The following CDH13 variants were observed in gnomAD, a reference collection of about 807,000 sequenced individuals.
The protein encoded by CDH13 is cadherin 13.
In CDH13, 24 loss-of-function variants were observed where a neutral mutation model predicts 63.8. That is an observed-to-expected ratio of 0.38 (90% CI 0.27 to 0.53). CDH13 has a LOEUF of 0.53. CDH13 is among the 20% of genes least tolerant of loss of function. The probability of loss-of-function intolerance (pLI) is 0.85; values close to 1 mark genes in which losing one functional copy is unlikely to be tolerated. For synonymous variants in CDH13, 503 were observed against 355.3 expected, an observed-to-expected ratio of 1.42 and a Z score of -4.67; for missense variants, 1,049 against 903.1, an observed-to-expected ratio of 1.16 and a Z score of -2.07.
rs200853526 is a variant in CDH13, at chr16:82,998,862, C to CTTTTTTTT, written c.158-33138_158-33131dup. ...GCTGCCATGTAATTTCCCCTTGATC[C>CTTTTTTTT]TTTTTTTTTTTTTTTTTGCAGATAC... is the stretch of plus-strand genomic sequence containing the variant. On this transcript the variant is annotated intron_variant, in intron 2 of 13. Coordinates refer to ENST00000567109, the MANE Select transcript of CDH13 (RefSeq NM_001257.5). 5.8e-3 allele frequency among the ~76,000 whole-genome samples: 742 copies of CTTTTTTTT among 128,476 alleles called. 15 individuals are homozygous for CTTTTTTTT. The highest frequency in any genetic ancestry group is 0.022 in the African/African-American group (718 of 33,318). 84.3% of individuals were successfully genotyped at this position (128,476 alleles called of 152,430 possible). A position where few individuals can be genotyped will look rare whatever the true frequency, so the allele number is the denominator to read the frequency against.
chr16:82,971,295 A>G (rs1908707690), intron 2 of CDH13, among the ~76,000 whole-genome samples: 1 of 151,954 alleles, frequency 6.6e-6, no homozygotes, highest in South Asian at 2.1e-4. Context: ...GCCTTATCTC[A>G]TTTCCTATTC....
chr16:83,255,104 C>G (rs529526956), intron 5 of CDH13, among the ~76,000 whole-genome samples: 2 of 152,122 alleles, frequency 1.3e-5, no homozygotes, highest in East Asian at 1.9e-4. Flanking sequence ...CAGGAATGCA[C>G]AAAACCTCTG....
Position 82,633,449 on chromosome 16 carries a change from G to A in CDH13, c.45+6312G>A, listed in dbSNP as rs1021773529. Among the ~76,000 whole-genome samples the A allele has an allele frequency of 6.6e-5, 10 of 152,064 alleles. No individual in the cohort carries two copies. The South Asian group carries it at 1.0e-3, about 16-fold the overall frequency. ...AGCCGGAGTGCGGTGGCGCGATGTC[G>A]GCTCACTGCAACCTCCACCTCCAGG... On this transcript the variant is annotated intron_variant, in intron 1 of 13. Transcript: ENST00000567109.
chr16:82,661,507 A>G (rs1364885780), intron 1 of CDH13, among the ~76,000 whole-genome samples: 1 of 152,202 alleles, frequency 6.6e-6, no homozygotes, highest in Non-Finnish European at 1.5e-5. Flanking sequence ...CCTTCTTCCC[A>G]AGCAGGGAAT....
At chr16:83,145,912 T>G (rs1302017668) in intron 4 of CDH13, among the ~76,000 whole-genome samples, 1 of 152,008 alleles carries the variant, frequency 6.6e-6, no homozygotes, top group African/African-American at 2.4e-5. Context: ...GCCAGATTTG[T>G]AACTAATGAA....
At chr16:83,553,244 A>G (rs2075542436) in intron 7 of CDH13, among the ~76,000 whole-genome samples, 2 of 152,244 alleles carry the variant, frequency 1.3e-5, no homozygotes, top group African/African-American at 4.8e-5. Flanking sequence ...ATTGGGATGT[A>G]ATATCTAAAT....
chr16:83,660,333 T>C (rs1276987892), intron 8 of CDH13, among the ~76,000 whole-genome samples: 1 of 152,142 alleles, frequency 6.6e-6, no homozygotes, highest in Admixed American at 6.6e-5. Context: ...TAGTAGACAA[T>C]GATAGATCAT....
chr16:83,027,556 A>T (rs1915932155), intron 2 of CDH13, among the ~76,000 whole-genome samples: 1 of 152,174 alleles, frequency 6.6e-6, no homozygotes, highest in Non-Finnish European at 1.5e-5. Flanking sequence ...GGGGAGGCTG[A>T]TGGACAGCCT....
In CDH13 at chr16:83,469,399, A is replaced by G. The variant is rs553421552; in HGVS notation, c.782-17078A>G. ...TCAGAGGCTTCAGTGCTAAGTATTA[A>G]TCAAATAGGTCGGGGGTCGAGCAGG... On this transcript the variant is annotated intron_variant, in intron 6 of 13. Transcript: ENST00000567109. 2.0e-5 allele frequency among the ~76,000 whole-genome samples: 3 copies of G among 152,298 alleles called. No individual in the cohort carries two copies. In the East Asian group the frequency reaches 5.8e-4, roughly 29 times the overall value.
intron 5 of CDH13, among the ~76,000 whole-genome samples, chr16:83,249,074 A>G (rs1905237710): frequency 6.6e-6 from 1 of 152,238 alleles, no homozygotes; most frequent in African/African-American, 2.4e-5. Context: ...AACTTTGAGT[A>G]GAGCAGTACT....
chr16:83,783,569 T>C (rs745933970), intron 13 of CDH13, 97 bp downstream of exon 13: 3 of 919,544 alleles, frequency 3.3e-6, no homozygotes, highest in Non-Finnish European at 5.3e-6. Flanking sequence ...TCCAAGAAGA[T>C]GTTTCCCAGA....
At chr16:83,676,061 C>T (rs8058532) in intron 9 of CDH13, among the ~76,000 whole-genome samples, 83,710 of 151,902 alleles carry the variant, frequency 0.55, 23,768 homozygotes, top group African/African-American at 0.68. Flanking sequence ...CAAATAATGA[C>T]ATCCCCAGGA....
intron 2 of CDH13, among the ~76,000 whole-genome samples, chr16:82,921,630 G>C (rs547937253): frequency 6.6e-6 from 1 of 152,266 alleles, no homozygotes; most frequent in African/African-American, 2.4e-5. Context: ...TACTAACTAT[G>C]TTATTAAATA....
intron 4 of CDH13, among the ~76,000 whole-genome samples, chr16:83,171,087 A>G (rs2037895172): frequency 6.6e-6 from 1 of 152,112 alleles, no homozygotes; most frequent in Non-Finnish European, 1.5e-5. Context: ...AAGAGGTTTA[A>G]TTCGCTCGTG....
intron 5 of CDH13, among the ~76,000 whole-genome samples, chr16:83,311,402 A>G (rs1405131035): frequency 1.3e-5 from 2 of 152,222 alleles, no homozygotes; most frequent in African/African-American, 2.4e-5. Flanking sequence ...TATGTAATGT[A>G]GAGAAAATAC....
intron 1 of CDH13, among the ~76,000 whole-genome samples, chr16:82,779,187 A>G (rs1005163334): frequency 6.6e-6 from 1 of 152,174 alleles, no homozygotes; most frequent in African/African-American, 2.4e-5. Flanking sequence ...GTGCTTGACA[A>G]ATTTACTCCT....
chr16:83,343,721 G>C (rs994223445), intron 5 of CDH13, among the ~76,000 whole-genome samples: 19 of 152,158 alleles, frequency 1.2e-4, no homozygotes, highest in African/African-American at 4.6e-4. Flanking sequence ...TTATATGATA[G>C]ACCATATTTA....
chr16:83,114,665 T>G (rs998942901), intron 3 of CDH13, among the ~76,000 whole-genome samples: 16 of 152,330 alleles, frequency 1.1e-4, no homozygotes, highest in African/African-American at 3.8e-4. Context: ...AATAGATACA[T>G]GGAAATTTAG....
intron 5 of CDH13, among the ~76,000 whole-genome samples, chr16:83,276,184 A>T (rs1039491264): frequency 6.6e-6 from 1 of 152,056 alleles, no homozygotes; most frequent in African/African-American, 2.4e-5. Context: ...ATCCATCCCA[A>T]TCACTCCAAC....
Sources: allele counts gnomAD v4.1 joint callset (sites outside exome capture counted in the v4.1 genomes callset), GRCh38; gene constraint gnomAD v4.1.1; transcripts MANE v1.5; gene names NCBI Gene and HGNC (gene_info 2026-07-23, HGNC 2026-07-21).